The following TMEM108 variants were observed in gnomAD, a reference collection of about 807,000 sequenced individuals.
TMEM108 encodes the protein transmembrane protein 108.
A neutral mutation model predicts 35.1 loss-of-function variants in TMEM108; 12 were observed. The ratio of observed to expected loss-of-function variants is 0.34; its 90% CI spans 0.22 to 0.55. The LOEUF is 0.55. Among genes scored for constraint, TMEM108 ranks in the 20% least tolerant of loss-of-function variants. The pLI, the probability that TMEM108 is intolerant of heterozygous loss-of-function variation, is 0.89. For missense variants in TMEM108, 680 were observed against 753.3 expected (o/e 0.90, Z 1.14); for synonymous variants, 287 against 308.6 (o/e 0.93, Z 0.73).
intron 3 of TMEM108, among the ~76,000 whole-genome samples, chr3:133,340,416 CAAAT>C (rs2071624534): frequency 6.6e-6 from 1 of 151,598 alleles, no homozygotes; most frequent in Admixed American, 6.6e-5. Context: ...GGACTAATAA[CAAAT>C]AACAAGAGCA....
chr3:133,283,991 G>C (rs1450417270), intron 3 of TMEM108, among the ~76,000 whole-genome samples: 4 of 152,190 alleles, frequency 2.6e-5, no homozygotes, highest in Admixed American at 6.5e-5. Flanking sequence ...CATGTGCCTA[G>C]TGGCTACCAT....
intron 3 of TMEM108, among the ~76,000 whole-genome samples, chr3:133,299,841 T>C (rs537858931): frequency 6.6e-6 from 1 of 152,268 alleles, no homozygotes; most frequent in Non-Finnish European, 1.5e-5. Flanking sequence ...TCCCCATTCT[T>C]CCCAATTATA....
chr3:133,131,479 G>A (rs1022431826), intron 2 of TMEM108, among the ~76,000 whole-genome samples: 20 of 147,562 alleles, frequency 1.4e-4, no homozygotes, highest in South Asian at 4.5e-4. Flanking sequence ...ATTATATCTC[G>A]TATGGTGATC....
intron 3 of TMEM108, among the ~76,000 whole-genome samples, chr3:133,295,319 G>A (rs539194461): frequency 6.6e-6 from 1 of 152,256 alleles, no homozygotes; most frequent in East Asian, 1.9e-4. Context: ...GAAGTAAGGA[G>A]AGCAAGGAGC....
chr3:133,129,104 G>A (rs1260257064), intron 2 of TMEM108, among the ~76,000 whole-genome samples: 1 of 152,152 alleles, frequency 6.6e-6, no homozygotes, highest in East Asian at 1.9e-4. Context: ...CAGCACTTTG[G>A]GAGGCTGAGA....
intron 3 of TMEM108, among the ~76,000 whole-genome samples, chr3:133,240,528 G>T (rs1239744066): frequency 6.6e-6 from 1 of 152,176 alleles, no homozygotes; most frequent in East Asian, 1.9e-4. Flanking sequence ...ATGTAGGTGA[G>T]GGAAGTAGTG....
intron 3 of TMEM108, among the ~76,000 whole-genome samples, chr3:133,350,776 G>C (rs1232382363): frequency 1.3e-5 from 2 of 152,080 alleles, no homozygotes; most frequent in Non-Finnish European, 2.9e-5. Context: ...CAGAGAATTG[G>C]TTGAATGACT....
At position 133,380,500 on chromosome 3, in the gene TMEM108, A is replaced by G. The variant is rs1210143836; in HGVS notation, c.789A>G (p.Ser263=). ...VAATTVPSNT[S]WAPTTTSLGP... is the part of the protein sequence containing the mutation. ...CGACCACAGTGCCCAGCAATACCTCATGGGCACCCACCACCACCTCCCTGG... is the reference window on the plus strand; with the variant it reads ...CGACCACAGTGCCCAGCAATACCTCGTGGGCACCCACCACCACCTCCCTGG... Residue 263 remains serine, a synonymous_variant, in exon 4 of 6, where the codon TCA becomes TCG. Transcript: ENST00000321871. This position sits in a 1 kb window ranked among gnomAD's most constrained non-coding sequence, Gnocchi z 5.3. 6.2e-7 allele frequency: 1 copy of G among 1,611,816 alleles called. No individual in the cohort carries two copies. Among genetic ancestry groups the G allele is most frequent in the South Asian group, 1.1e-5 (1 of 91,038 alleles).
chr3:133,199,328 G>A (rs1285212342), intron 2 of TMEM108, among the ~76,000 whole-genome samples: 6 of 152,174 alleles, frequency 3.9e-5, no homozygotes, highest in African/African-American at 7.2e-5. Context: ...TGTTGCTGGC[G>A]AGGAGCTGCA....
chr3:133,261,127 A>G (rs1249710899), intron 3 of TMEM108, among the ~76,000 whole-genome samples: 1 of 152,238 alleles, frequency 6.6e-6, no homozygotes, highest in African/African-American at 2.4e-5. Flanking sequence ...ACAAAAAACT[A>G]GGGCCATCTC....
chr3:133,266,916 CAAAA>C (rs11389496), intron 3 of TMEM108, among the ~76,000 whole-genome samples: 1 of 121,366 alleles, frequency 8.2e-6, no homozygotes, highest in Non-Finnish European at 1.7e-5. Context: ...ACTAAAAATC[CAAAA>C]AAAAAAAAAA....
At chr3:133,372,128 A>G (rs964038026) in intron 3 of TMEM108, among the ~76,000 whole-genome samples, 1 of 152,230 alleles carries the variant, frequency 6.6e-6, no homozygotes, top group East Asian at 1.9e-4. Flanking sequence ...AGTTGCCCCC[A>G]AGTGTTGCTG....
chr3:133,291,779 C>T (rs542217502), intron 3 of TMEM108, among the ~76,000 whole-genome samples: 1 of 152,322 alleles, frequency 6.6e-6, no homozygotes, highest in Admixed American at 6.5e-5. Flanking sequence ...CAGGGTTCCT[C>T]AAGGTACCTG....
chr3:133,136,077 G>T (rs373994511), intron 2 of TMEM108, among the ~76,000 whole-genome samples: 7 of 152,208 alleles, frequency 4.6e-5, no homozygotes, highest in African/African-American at 1.7e-4. Flanking sequence ...TACAGATCTG[G>T]GTTTCAGGAT....
At chr3:133,288,526 C>T (rs937703392) in intron 3 of TMEM108, among the ~76,000 whole-genome samples, 5 of 152,092 alleles carry the variant, frequency 3.3e-5, no homozygotes, top group African/African-American at 9.7e-5. Flanking sequence ...GCTAGTGGTA[C>T]GTGCATTTGC....
intron 3 of TMEM108, among the ~76,000 whole-genome samples, chr3:133,309,921 C>T (rs1177264262): frequency 1.3e-5 from 2 of 151,934 alleles, no homozygotes; most frequent in Non-Finnish European, 2.9e-5. Context: ...GGGATGGTCT[C>T]GATCTCCTGA....
intron 2 of TMEM108, among the ~76,000 whole-genome samples, chr3:133,206,992 T>C (rs1945765505): frequency 6.6e-6 from 1 of 152,158 alleles, no homozygotes; most frequent in Non-Finnish European, 1.5e-5. Context: ...CTTTCAGACA[T>C]GCCCTGCCTA....
At chr3:133,365,557 G>T (rs145971156) in intron 3 of TMEM108, among the ~76,000 whole-genome samples, 1 of 152,116 alleles carries the variant, frequency 6.6e-6, no homozygotes, top group Non-Finnish European at 1.5e-5. Flanking sequence ...TCTTACTCCC[G>T]CTCTCTAGGA....
intron 3 of TMEM108, chr3:133,257,137 T>C (rs1946559369): frequency 6.6e-6 from 1 of 152,204 alleles, no homozygotes; most frequent in Non-Finnish European, 1.5e-5. Flanking sequence ...TGTCTCTTAA[T>C]ATTCATAACC....
Sources: allele counts gnomAD v4.1 joint callset (sites outside exome capture counted in the v4.1 genomes callset), GRCh38; gene constraint gnomAD v4.1.1; non-coding constraint Gnocchi (gnomAD v3.1); transcripts MANE v1.5; gene names NCBI Gene and HGNC (gene_info 2026-07-23, HGNC 2026-07-21).